The following IL2RA variants were observed in gnomAD, a reference collection of about 807,000 sequenced individuals.
IL2RA encodes the protein interleukin-2 receptor subunit alpha.
Under a neutral mutation model 37.8 loss-of-function variants are expected in IL2RA, and 24 were observed. That is an observed-to-expected ratio of 0.63 (90% CI 0.46 to 0.89). IL2RA has a LOEUF of 0.89. IL2RA is among the 40% of genes least tolerant of loss of function. The pLI, the probability that IL2RA is intolerant of heterozygous loss-of-function variation, is 0.00. For missense variants in IL2RA, 319 were observed against 348.6 expected, an observed-to-expected ratio of 0.92 and a Z score of 0.68; for synonymous variants, 125 against 114.6, an observed-to-expected ratio of 1.09 and a Z score of -0.58.
At position 6,054,844 on chromosome 10, in the gene IL2RA, C is replaced by G. The variant is rs1349181546; in HGVS notation, c.64+7244G>C. Among the ~76,000 whole-genome samples, 1 of 152,100 alleles carries G rather than the reference C, an allele frequency of 6.6e-6. No individual in the cohort carries two copies. The highest frequency in any genetic ancestry group is 1.5e-5 in the Non-Finnish European group (1 of 68,022). ...AATGTTTGATCAATATTTGATCTTT[C>G]CCAGATTGGTTTTCCCTTTTTCTAA... is the stretch of plus-strand genomic sequence containing the variant. On this transcript the variant is annotated intron_variant, in intron 1 of 7. Coordinates refer to ENST00000379959, the MANE Select transcript of IL2RA (RefSeq NM_000417.3). The surrounding 1 kb of genome is among the most constrained non-coding windows in gnomAD (Gnocchi z 4.5).
At chr10:6,050,599 A>G (rs531516384) in intron 1 of IL2RA, among the ~76,000 whole-genome samples, 65 of 152,228 alleles carry the variant, frequency 4.3e-4, no homozygotes, top group Middle Eastern at 6.8e-3. Context: ...AGCCGAGATC[A>G]TACCACTGCA....
intron 6 of IL2RA, among the ~76,000 whole-genome samples, chr10:6,019,030 A>G (rs1304701297): frequency 3.9e-5 from 6 of 152,110 alleles, no homozygotes; most frequent in African/African-American, 1.4e-4. Flanking sequence ...CAACCAACCT[A>G]TCAACTTATC....
chr10:6,017,969 T>C lies in IL2RA; in HGVS notation c.794+84A>G, dbSNP rs1318658439. 5 of 1,012,462 alleles carry C rather than the reference T, an allele frequency of 4.9e-6. No individual in the cohort carries two copies. In the Admixed American group the frequency reaches 7.9e-5, roughly 16 times the overall value. The allele number at this position is 1,012,462 out of a possible 1,614,324, so 62.7% of individuals were successfully genotyped here. A position where few individuals can be genotyped will look rare whatever the true frequency, so the allele number is the denominator to read the frequency against. ...GAACTGCAGGTGATTAGAGAGAGCA[T>C]GGAGGGGGTAGGGGGGAGGCAGGGT... On this transcript the variant is annotated intron_variant, in intron 7 of 7. Coordinates refer to ENST00000379959, the MANE Select transcript of IL2RA (RefSeq NM_000417.3).
intron 1 of IL2RA, among the ~76,000 whole-genome samples, chr10:6,030,003 C>A (rs1196216425): frequency 6.6e-6 from 1 of 152,126 alleles, no homozygotes; most frequent in African/African-American, 2.4e-5. Context: ...CCGTGCCCAG[C>A]CAATATTTTT....
At chr10:6,052,071 T>C (rs187935782) in intron 1 of IL2RA, among the ~76,000 whole-genome samples, 3 of 151,774 alleles carry the variant, frequency 2.0e-5, no homozygotes, top group East Asian at 1.9e-4. Context: ...ATTAAAGGAA[T>C]TGAAATACTC....
intron 1 of IL2RA, among the ~76,000 whole-genome samples, chr10:6,059,409 G>C (rs1302463422): frequency 6.6e-6 from 1 of 152,214 alleles, no homozygotes; most frequent in African/African-American, 2.4e-5. Flanking sequence ...ATACTGCAAA[G>C]TGGCTATGAA....
At chr10:6,050,616 T>C (rs1320395124) in intron 1 of IL2RA, among the ~76,000 whole-genome samples, 2 of 151,944 alleles carry the variant, frequency 1.3e-5, no homozygotes, top group African/African-American at 2.4e-5. Flanking sequence ...TGCACTCCAG[T>C]CTGGGCAACA....
At chr10:6,017,133 A>C (rs1441339229) in intron 7 of IL2RA, 1 of 153,750 alleles carries the variant, frequency 6.5e-6, no homozygotes, top group Admixed American at 6.5e-5. Context: ...TGTGGAATTT[A>C]CTCATATCTT....
chr10:6,052,648 C>T (rs1002005593), intron 1 of IL2RA, among the ~76,000 whole-genome samples: 1 of 150,914 alleles, frequency 6.6e-6, no homozygotes, highest in Non-Finnish European at 1.5e-5. Context: ...CGCGCCCCCC[C>T]TCACGCCTCA....
rs1436045574 is a variant in IL2RA at position 6,025,587 on chromosome 10, C to T, written c.256+247G>A. On this transcript the variant is annotated intron_variant, in intron 2 of 7. Coordinates refer to ENST00000379959, the MANE Select transcript of IL2RA (RefSeq NM_000417.3). This position sits in a 1 kb window ranked among gnomAD's most constrained non-coding sequence, Gnocchi z 4.4. ...AGGAGAATCACTTGAAGCCAGGAGG[C>T]GGAAGTTGCAGTGAGCCGAGATCGC... Among the ~76,000 whole-genome samples the T allele has an allele frequency of 2.6e-5, 4 of 151,092 alleles. No individual in the cohort carries two copies. Among genetic ancestry groups the T allele is most frequent in the Admixed American group, 2.0e-4 (3 of 15,154 alleles).
Position 6,015,892 on chromosome 10 carries a change from C to G in IL2RA, c.794+2161G>C, listed in dbSNP as rs1398231649. Among the ~76,000 whole-genome samples the G allele has an allele frequency of 6.6e-6, 1 of 152,042 alleles. No individual in the cohort carries two copies. Among genetic ancestry groups the G allele is most frequent in the African/African-American group, 2.4e-5 (1 of 41,354 alleles). Reference sequence around the variant, plus strand: ...ATTTACACGAAATGTCCAGAATAGGCAAATCCATAGAGACGGAACATAGAG... The same window carrying G: ...ATTTACACGAAATGTCCAGAATAGGGAAATCCATAGAGACGGAACATAGAG... On this transcript the variant is annotated intron_variant, in intron 7 of 7. Coordinates refer to ENST00000379959, the MANE Select transcript of IL2RA (RefSeq NM_000417.3). This position sits in a 1 kb window ranked among gnomAD's most constrained non-coding sequence, Gnocchi z 4.9.
At chr10:6,037,852 G>A (rs1004941512) in intron 1 of IL2RA, among the ~76,000 whole-genome samples, 4 of 152,148 alleles carry the variant, frequency 2.6e-5, no homozygotes, top group African/African-American at 7.2e-5. Flanking sequence ...GAAAGAGGAC[G>A]CTGGAGCCAG....
At chr10:6,030,211 A>G (rs1439302647) in intron 1 of IL2RA, among the ~76,000 whole-genome samples, 1 of 152,210 alleles carries the variant, frequency 6.6e-6, no homozygotes, top group Non-Finnish European at 1.5e-5. Flanking sequence ...AAGAGAAAGA[A>G]TGGAGCAGAA....
intron 1 of IL2RA, among the ~76,000 whole-genome samples, chr10:6,061,001 T>C (rs977617978): frequency 6.0e-4 from 91 of 152,298 alleles, no homozygotes; most frequent in African/African-American, 2.0e-3. Context: ...TTATCTGTCT[T>C]CCTGAGTAAG....
Position 6,056,845 on chromosome 10 carries a change from G to A in IL2RA, c.64+5243C>T, listed in dbSNP as rs1840053871. On this transcript the variant is annotated intron_variant, in intron 1 of 7. Coordinates refer to ENST00000379959, the MANE Select transcript of IL2RA (RefSeq NM_000417.3). This position sits in a 1 kb window ranked among gnomAD's most constrained non-coding sequence, Gnocchi z 5.0. ...CCACTCATGTAAAACTTCTCCCATG[G>A]GAGACAAGGACATTGTTTGAGGGGA... Among the ~76,000 whole-genome samples the A allele has an allele frequency of 6.6e-6, 1 of 152,158 alleles. No homozygotes were observed. Among genetic ancestry groups the A allele is most frequent in the Admixed American group, 6.5e-5 (1 of 15,278 alleles).
rs745306282 is a variant in IL2RA, at chr10:6,021,657, G to C, written c.404C>G (p.Ala135Gly). 1.2e-6 allele frequency: 2 copies of C among 1,614,128 alleles called. No individual in the cohort carries two copies. The highest frequency in any genetic ancestry group is 1.7e-6 in the Non-Finnish European group (2 of 1,179,992). Reference protein sequence around the residue: ...CREPPPWENEATERIYHFVVG... With the variant: ...CREPPPWENEGTERIYHFVVG... ...CACGAAATGATAAATTCTCTCTGTG[G>C]CTTCATTTTCCCATGGTGGAGGTTC... Residue 135 changes from alanine (A) to glycine (G), a missense_variant, in exon 4 of 8, where the codon GCC becomes GGC. Transcript: ENST00000379959. This position sits in a 1 kb window ranked among gnomAD's most constrained non-coding sequence, Gnocchi z 4.9.
rs1839458556 is a variant in IL2RA at position 6,025,137 on chromosome 10, T to C, written c.256+697A>G. ...ATAAGGCCCAGGCAGGAGAATCACT[T>C]GAGGCCAGGAGTTCGAGACCAGCCT... On this transcript the variant is annotated intron_variant, in intron 2 of 7. Transcript: ENST00000379959. This position sits in a 1 kb window ranked among gnomAD's most constrained non-coding sequence, Gnocchi z 4.4. 1.3e-5 allele frequency among the ~76,000 whole-genome samples: 2 copies of C among 151,992 alleles called. No individual in the cohort carries two copies. Among genetic ancestry groups the C allele is most frequent in the South Asian group, 4.1e-4 (2 of 4,828 alleles).
chr10:6,016,259 C>T (rs1239038625), intron 7 of IL2RA, among the ~76,000 whole-genome samples: 1 of 152,190 alleles, frequency 6.6e-6, no homozygotes, highest in Non-Finnish European at 1.5e-5. Flanking sequence ...TGCCTTCTGC[C>T]ACAGGATGAC....
chr10:6,023,114 C>T (rs767648425), intron 3 of IL2RA, among the ~76,000 whole-genome samples: 1 of 152,192 alleles, frequency 6.6e-6, no homozygotes, highest in Admixed American at 6.5e-5. Context: ...GTGAGCTTAA[C>T]CAAATCTTTT....
Sources: gnomAD v4.1 joint callset for allele counts (sites outside exome capture counted in the v4.1 genomes callset) on GRCh38, gnomAD v4.1.1 for gene constraint, Gnocchi (gnomAD v3.1) non-coding constraint, MANE v1.5 for transcripts, NCBI Gene and HGNC (gene_info 2026-07-23, HGNC 2026-07-21) for gene names.